The following GPR176 variants were observed in gnomAD, a reference collection of about 807,000 sequenced individuals.
GPR176 encodes G protein-coupled receptor 176.
A neutral mutation model predicts 35.4 loss-of-function variants in GPR176; 26 were observed. The ratio of observed to expected loss-of-function variants is 0.74; its 90% confidence interval spans 0.54 to 1.02. The LOEUF (loss-of-function observed/expected upper bound fraction) is 1.02, where lower values mean the gene tolerates loss of function less well. GPR176 is among the 50% of genes least tolerant of loss of function. The pLI is 0.00. For synonymous variants in GPR176, 278 were observed against 271.3 expected, an observed-to-expected ratio of 1.02 and a Z score of -0.24; for missense variants, 597 against 665.3, an observed-to-expected ratio of 0.90 and a Z score of 1.13.
At chr15:39,907,280 T>G (rs2033449325) in intron 1 of GPR176, among the ~76,000 whole-genome samples, 1 of 152,244 alleles carries the variant, frequency 6.6e-6, no homozygotes, top group Non-Finnish European at 1.5e-5. Flanking sequence ...CGGTGCCTTC[T>G]GCCTTTGCAT....
intron 1 of GPR176, among the ~76,000 whole-genome samples, chr15:39,818,338 T>A (rs1380082702): frequency 2.0e-5 from 3 of 152,164 alleles, no homozygotes; most frequent in Non-Finnish European, 4.4e-5. Context: ...TAAGCAGGAG[T>A]TGAATTAACA....
intron 1 of GPR176, among the ~76,000 whole-genome samples, chr15:39,838,347 C>T (rs954978658): frequency 1.3e-4 from 20 of 152,040 alleles, no homozygotes; most frequent in Admixed American, 1.3e-4. Flanking sequence ...TGCTGCTCAG[C>T]CTTCATCTTA....
intron 1 of GPR176, among the ~76,000 whole-genome samples, chr15:39,888,426 C>T (rs1234536597): frequency 2.0e-5 from 3 of 152,186 alleles, no homozygotes; most frequent in South Asian, 4.1e-4. Context: ...GCTAGGACTA[C>T]AGGCACAGGC....
chr15:39,853,645 G>A (rs1316833083), intron 1 of GPR176, among the ~76,000 whole-genome samples: 2 of 152,158 alleles, frequency 1.3e-5, no homozygotes, highest in Admixed American at 1.3e-4. Context: ...TCAATCAGAA[G>A]TGATTTTGTC....
In GPR176 at chr15:39,816,959, C is replaced by G. The variant is rs547273040; in HGVS notation, c.173-9701G>C. ...TGGCATGCACCTGTAGTCCCAGCCT[C>G]TTAGGAGGCAGAGGCAGTAGGATCA... On this transcript the variant is annotated intron_variant, in intron 1 of 2. Coordinates refer to ENST00000561100, the MANE Select transcript of GPR176 (RefSeq NM_007223.3). Among the ~76,000 whole-genome samples, 6 of 149,584 alleles carry G rather than the reference C, an allele frequency of 4.0e-5. No homozygotes were observed. The East Asian group carries it at 8.0e-4, about 20-fold the overall frequency.
At chr15:39,893,065 G>C (rs1203223478) in intron 1 of GPR176, among the ~76,000 whole-genome samples, 1 of 151,584 alleles carries the variant, frequency 6.6e-6, no homozygotes, top group East Asian at 1.9e-4. Context: ...CTGACAATTT[G>C]GCATATCGAG....
intron 1 of GPR176, among the ~76,000 whole-genome samples, chr15:39,859,803 C>G (rs550951683): frequency 6.6e-6 from 1 of 152,004 alleles, no homozygotes; most frequent in Non-Finnish European, 1.5e-5. Context: ...TTAACGGCGG[C>G]TGGGGTGAGG....
chr15:39,839,606 A>G (rs1901620316), intron 1 of GPR176, among the ~76,000 whole-genome samples: 1 of 152,236 alleles, frequency 6.6e-6, no homozygotes, highest in Non-Finnish European at 1.5e-5. Flanking sequence ...AGCAATGGCA[A>G]CAAAAGCCAA....
chr15:39,910,071 A>G (rs1244817746), intron 1 of GPR176, among the ~76,000 whole-genome samples: 1 of 152,166 alleles, frequency 6.6e-6, no homozygotes, highest in Non-Finnish European at 1.5e-5. Context: ...GTTGTGGGAG[A>G]GCAATATTGC....
intron 1 of GPR176, among the ~76,000 whole-genome samples, chr15:39,886,942 G>C (rs1005951181): frequency 2.0e-5 from 3 of 152,178 alleles, no homozygotes; most frequent in African/African-American, 7.2e-5. Context: ...GCATCAAGCA[G>C]TCTGCATTTG....
In GPR176 at chr15:39,920,052, G is replaced by C; in HGVS notation, c.-26C>G. 1 of 1,283,346 alleles carries C rather than the reference G, an allele frequency of 7.8e-7. No individual in the cohort carries two copies. Among genetic ancestry groups the C allele is most frequent in the Non-Finnish European group, 9.9e-7 (1 of 1,008,678 alleles). The allele number at this position is 1,283,346 out of a possible 1,614,324, so 79.5% of individuals were successfully genotyped here. On this transcript the variant is annotated 5_prime_UTR_variant, in exon 1 of 3. Transcript: ENST00000561100. ...GGCGAGGCTGGGACTCCGGCTCCGC[G>C]CGCCGCCCGCCTCGGAGCCCCGCGC...
intron 1 of GPR176, among the ~76,000 whole-genome samples, chr15:39,887,244 A>C (rs2032706216): frequency 6.6e-6 from 1 of 152,230 alleles, no homozygotes; most frequent in Admixed American, 6.5e-5. Context: ...GGGTCCTAGA[A>C]GCAGAAAAAG....
At chr15:39,848,941 GA>G (rs1045397307) in intron 1 of GPR176, among the ~76,000 whole-genome samples, 3 of 137,572 alleles carry the variant, frequency 2.2e-5, no homozygotes, top group East Asian at 4.3e-4. Flanking sequence ...CTAAAAAAAA[GA>G]AAAAAAAGCA....
chr15:39,838,329 T>C (rs1408101881), intron 1 of GPR176, among the ~76,000 whole-genome samples: 4 of 152,148 alleles, frequency 2.6e-5, no homozygotes, highest in African/African-American at 7.2e-5. Context: ...AAACATTCCA[T>C]TGTATTTTGC....
intron 1 of GPR176, among the ~76,000 whole-genome samples, chr15:39,917,126 G>C (rs2033746483): frequency 6.6e-6 from 1 of 151,692 alleles, no homozygotes; most frequent in South Asian, 2.1e-4. Context: ...TACTAAAAAT[G>C]CAAAAACTTA....
intron 1 of GPR176, among the ~76,000 whole-genome samples, chr15:39,872,658 C>T (rs1443907625): frequency 1.3e-5 from 2 of 152,152 alleles, no homozygotes. Context: ...AATATAATGT[C>T]AGCAACTGCT....
intron 1 of GPR176, among the ~76,000 whole-genome samples, chr15:39,855,573 C>T: frequency 6.6e-6 from 1 of 152,122 alleles, no homozygotes; most frequent in East Asian, 1.9e-4. Context: ...TCGCAAGCAG[C>T]TGTGGCAGAA....
At chr15:39,805,190 G>T (rs541293003) in intron 2 of GPR176, among the ~76,000 whole-genome samples, 1 of 152,178 alleles carries the variant, frequency 6.6e-6, no homozygotes, top group East Asian at 1.9e-4. Context: ...ACACAAAATG[G>T]TTCGACATAA....
At chr15:39,864,110 C>G (rs147428047) in intron 1 of GPR176, among the ~76,000 whole-genome samples, 30 of 152,162 alleles carry the variant, frequency 2.0e-4, no homozygotes, top group Admixed American at 2.0e-3. Flanking sequence ...ATATGTGACT[C>G]TATGTCACAT....
Sources: gnomAD v4.1 joint callset for allele counts (sites outside exome capture counted in the v4.1 genomes callset) on GRCh38, gnomAD v4.1.1 for gene constraint, MANE v1.5 for transcripts, NCBI Gene and HGNC (gene_info 2026-07-23, HGNC 2026-07-21) for gene names.